Variants in KIRREL3 observed in about 807,000 individuals in gnomAD.
KIRREL3 encodes the protein kirre like nephrin family adhesion molecule 3, also known as kin of IRRE-like protein 3.
Under a neutral mutation model 89.7 loss-of-function variants are expected in KIRREL3, and 36 were observed. That is an observed-to-expected ratio of 0.40 (90% CI 0.31 to 0.53). KIRREL3 has a LOEUF of 0.53. Among genes scored for constraint, KIRREL3 ranks in the 20% least tolerant of loss-of-function variants. KIRREL3 has a pLI of 0.49. For missense variants in KIRREL3, 864 were observed against 1,056.6 expected (o/e 0.82, Z 2.53); for synonymous variants, 445 against 441.4 (o/e 1.01, Z -0.10).
rs566454304 is a variant in KIRREL3, at chr11:126,924,197, G to A, written c.55+76258C>T. The stretch of plus-strand genomic sequence containing the variant: ...CCTGGGTTCCTTCCCCCTTTCCCTG[G>A]CTCAGGCCACCATCACCTTTGACCT... On this transcript the variant is annotated intron_variant, in intron 1 of 16. Coordinates refer to ENST00000525144, the MANE Select transcript of KIRREL3 (RefSeq NM_032531.4). This position sits in a 1 kb window ranked among gnomAD's most constrained non-coding sequence, Gnocchi z 4.7. 6.6e-6 allele frequency among the ~76,000 whole-genome samples: 1 copy of A among 152,154 alleles called. No homozygotes were observed. Among genetic ancestry groups the A allele is most frequent in the East Asian group, 1.9e-4 (1 of 5,176 alleles).
At position 126,782,124 on chromosome 11, in the gene KIRREL3, G is replaced by C. The variant is rs960666066; in HGVS notation, c.55+218331C>G. 2.6e-5 allele frequency among the ~76,000 whole-genome samples: 4 copies of C among 152,148 alleles called. No homozygotes were observed. Among genetic ancestry groups the C allele is most frequent in the Non-Finnish European group, 5.9e-5 (4 of 68,024 alleles). On this transcript the variant is annotated intron_variant, in intron 1 of 16. Transcript: ENST00000525144. The surrounding 1 kb of genome is among the most constrained non-coding windows in gnomAD (Gnocchi z 4.1). ...TTCACAGGAAGACAGGCATTGCTCA[G>C]CCTTCCTAGGAATTAGGTTCAGGCC... is the stretch of plus-strand genomic sequence containing the variant.
chr11:126,495,469 G>A lies in KIRREL3; in HGVS notation c.434-22003C>T, dbSNP rs535069885. Among the ~76,000 whole-genome samples, 60 of 152,176 alleles carry A rather than the reference G, an allele frequency of 3.9e-4. No individual in the cohort carries two copies. The highest frequency in any genetic ancestry group is 1.4e-3 in the African/African-American group (59 of 41,532). On this transcript the variant is annotated intron_variant, in intron 4 of 16. Coordinates refer to ENST00000525144, the MANE Select transcript of KIRREL3 (RefSeq NM_032531.4). This position sits in a 1 kb window ranked among gnomAD's most constrained non-coding sequence, Gnocchi z 6.5. ...TCGACTGTCTGTGTTCCTCGTCTCC[G>A]CTCATCCTTGCTGGCCGGGTTTCTG...
At position 126,788,962 on chromosome 11, in the gene KIRREL3, C is replaced by T. The variant is rs1368390570; in HGVS notation, c.55+211493G>A. Among the ~76,000 whole-genome samples, 1 of 152,138 alleles carries T rather than the reference C, an allele frequency of 6.6e-6. No homozygotes were observed. Among genetic ancestry groups the T allele is most frequent in the Non-Finnish European group, 1.5e-5 (1 of 68,022 alleles). On this transcript the variant is annotated intron_variant, in intron 1 of 16. Coordinates refer to ENST00000525144, the MANE Select transcript of KIRREL3 (RefSeq NM_032531.4). This position sits in a 1 kb window ranked among gnomAD's most constrained non-coding sequence, Gnocchi z 4.1. ...AGGCTGGGCACCTAGTCAAACAAAT[C>T]CCTGTCAAGATTTCTTTGACCCAAC...
At position 126,981,078 on chromosome 11, in the gene KIRREL3, A is replaced by G; in HGVS notation, c.55+19377T>C. Among the ~76,000 whole-genome samples, 1 of 152,208 alleles carries G rather than the reference A, an allele frequency of 6.6e-6. No homozygotes were observed. On this transcript the variant is annotated intron_variant, in intron 1 of 16. Coordinates refer to ENST00000525144, the MANE Select transcript of KIRREL3 (RefSeq NM_032531.4). This position sits in a 1 kb window ranked among gnomAD's most constrained non-coding sequence, Gnocchi z 4.2. ...TATTCAATTTAAATTGCTACAAAGT[A>G]CTATTCTTACATGATTGGCCTGAAA...
At chr11:126,604,645 G>A (rs150334139) in intron 1 of KIRREL3, among the ~76,000 whole-genome samples, 13 of 152,170 alleles carry the variant, frequency 8.5e-5, no homozygotes, top group African/African-American at 3.1e-4. Context: ...CCACATGGGG[G>A]TGGGTGGGTG....
At chr11:126,512,568 C>A (rs949065369) in intron 4 of KIRREL3, among the ~76,000 whole-genome samples, 2 of 152,162 alleles carry the variant, frequency 1.3e-5, no homozygotes, top group Admixed American at 6.5e-5. Context: ...AGGCAGCTGC[C>A]CCCCGCATGT....
At position 126,912,967 on chromosome 11, in the gene KIRREL3, C is replaced by T. The variant is rs1946886039; in HGVS notation, c.55+87488G>A. Among the ~76,000 whole-genome samples, 1 of 152,188 alleles carries T rather than the reference C, an allele frequency of 6.6e-6. No homozygotes were observed. The highest frequency in any genetic ancestry group is 2.1e-4 in the South Asian group (1 of 4,828). On this transcript the variant is annotated intron_variant, in intron 1 of 16. Coordinates refer to ENST00000525144, the MANE Select transcript of KIRREL3 (RefSeq NM_032531.4). The surrounding 1 kb of genome is among the most constrained non-coding windows in gnomAD (Gnocchi z 4.7). ...TCTAAGTAGTCAAGAGAGGAAATGC[C>T]TTAAGGAACCACGAGATCCCTTGAA... is the stretch of plus-strand genomic sequence containing the variant.
At chr11:126,539,328 T>C (rs12283666) in intron 2 of KIRREL3, among the ~76,000 whole-genome samples, 1,918 of 152,292 alleles carry the variant, frequency 0.013, 39 homozygotes, top group African/African-American at 0.044. Flanking sequence ...AAAGTCCTGG[T>C]GGGTCAGACC....
rs1055517169 is a variant in KIRREL3, at chr11:126,872,614, T to A, written c.55+127841A>T. Among the ~76,000 whole-genome samples, 2 of 152,232 alleles carry A rather than the reference T, an allele frequency of 1.3e-5. No individual in the cohort carries two copies. The highest frequency in any genetic ancestry group is 2.9e-5 in the Non-Finnish European group (2 of 68,048). On this transcript the variant is annotated intron_variant, in intron 1 of 16. Transcript: ENST00000525144. The surrounding 1 kb of genome is among the most constrained non-coding windows in gnomAD (Gnocchi z 4.2). The stretch of plus-strand genomic sequence containing the variant: ...CAGCCCCTCTAAGGGACCTTAGGCC[T>A]TGTTATCTTTGAAAAAATGCTCCAG...
rs137894622 is a variant in KIRREL3, at chr11:126,576,714, A to G, written c.56-13802T>C. 3.9e-5 allele frequency among the ~76,000 whole-genome samples: 6 copies of G among 152,306 alleles called. No individual in the cohort carries two copies. The highest frequency in any genetic ancestry group is 1.4e-4 in the African/African-American group (6 of 41,566). ...TGGGTGCACGTGCATGTATGAGTTC[A>G]TTAATTTGCTTCCTTTCTTCTCAGG... On this transcript the variant is annotated intron_variant, in intron 1 of 16. Transcript: ENST00000525144. This position sits in a 1 kb window ranked among gnomAD's most constrained non-coding sequence, Gnocchi z 5.4.
chr11:126,947,103 A>G (rs1948640307), intron 1 of KIRREL3, among the ~76,000 whole-genome samples: 1 of 152,154 alleles, frequency 6.6e-6, no homozygotes, highest in African/African-American at 2.4e-5. Context: ...TTCTGAATCA[A>G]TAACTCCCTC....
rs1161973365 is a variant in KIRREL3 at position 126,780,053 on chromosome 11, G to C, written c.56-217141C>G. Among the ~76,000 whole-genome samples the C allele has an allele frequency of 6.6e-6, 1 of 152,098 alleles. No individual in the cohort carries two copies. Among genetic ancestry groups the C allele is most frequent in the Non-Finnish European group, 1.5e-5 (1 of 68,030 alleles). On this transcript the variant is annotated intron_variant, in intron 1 of 16. Transcript: ENST00000525144. The surrounding 1 kb of genome is among the most constrained non-coding windows in gnomAD (Gnocchi z 5.3). ...GCCCCACGCTGTATCTGGAAGGGAG[G>C]ACTGAACTTCAGAGGGAAAAGCAGG...
At position 126,953,817 on chromosome 11, in the gene KIRREL3, A is replaced by G. The variant is rs890748850; in HGVS notation, c.55+46638T>C. Reference sequence around the variant, plus strand: ...AGCTTTTCTGATATACTGTTTTTATATAAATTCTGCAGTGACTTTTCCCTG... The same window carrying G: ...AGCTTTTCTGATATACTGTTTTTATGTAAATTCTGCAGTGACTTTTCCCTG... On this transcript the variant is annotated intron_variant, in intron 1 of 16. Transcript: ENST00000525144. This position sits in a 1 kb window ranked among gnomAD's most constrained non-coding sequence, Gnocchi z 5.2. Among the ~76,000 whole-genome samples, 6 of 152,208 alleles carry G rather than the reference A, an allele frequency of 3.9e-5. No individual in the cohort carries two copies. Among genetic ancestry groups the G allele is most frequent in the African/African-American group, 9.6e-5 (4 of 41,462 alleles).
chr11:126,497,311 AGAGT>A (rs1328420033), intron 4 of KIRREL3, among the ~76,000 whole-genome samples: 1 of 152,042 alleles, frequency 6.6e-6, no homozygotes, highest in Non-Finnish European at 1.5e-5. Context: ...AGAGCGAGAG[AGAGT>A]AAGACAGAGA....
Position 126,892,536 on chromosome 11 carries a change from C to A in KIRREL3, c.55+107919G>T, listed in dbSNP as rs1374608606. On this transcript the variant is annotated intron_variant, in intron 1 of 16. Coordinates refer to ENST00000525144, the MANE Select transcript of KIRREL3 (RefSeq NM_032531.4). The surrounding 1 kb of genome is among the most constrained non-coding windows in gnomAD (Gnocchi z 5.4). ...AACCCTGAGAAAATGATTTTCTTTT[C>A]ACAGCCTTATTACAAATGCTGAGCA... Among the ~76,000 whole-genome samples, 1 of 152,176 alleles carries A rather than the reference C, an allele frequency of 6.6e-6. No homozygotes were observed. Among genetic ancestry groups the A allele is most frequent in the African/African-American group, 2.4e-5 (1 of 41,440 alleles).
At chr11:126,604,527 G>A (rs1272661575) in intron 1 of KIRREL3, among the ~76,000 whole-genome samples, 3 of 152,202 alleles carry the variant, frequency 2.0e-5, no homozygotes, top group Non-Finnish European at 2.9e-5. Flanking sequence ...TGAGGACCAG[G>A]CCGTTCGCAG....
intron 1 of KIRREL3, among the ~76,000 whole-genome samples, chr11:126,602,993 A>G (rs1370965911): frequency 2.0e-5 from 3 of 152,104 alleles, no homozygotes; most frequent in Non-Finnish European, 4.4e-5. Flanking sequence ...ATAGAGACCA[A>G]TAGGAGACGC....
chr11:126,614,830 G>A lies in KIRREL3; in HGVS notation c.56-51918C>T, dbSNP rs1222986123. Among the ~76,000 whole-genome samples, 1 of 152,308 alleles carries A rather than the reference G, an allele frequency of 6.6e-6. No homozygotes were observed. Among genetic ancestry groups the A allele is most frequent in the Non-Finnish European group, 1.5e-5 (1 of 68,026 alleles). On this transcript the variant is annotated intron_variant, in intron 1 of 16. Coordinates refer to ENST00000525144, the MANE Select transcript of KIRREL3 (RefSeq NM_032531.4). The surrounding 1 kb of genome is among the most constrained non-coding windows in gnomAD (Gnocchi z 4.6). ...CTCTTAGTATCAGGTCTGGGTTGGG[G>A]CAGGTAAATCTTCCTTTCTTTGTGG... is the stretch of plus-strand genomic sequence containing the variant.
Position 126,946,871 on chromosome 11 carries a change from G to A in KIRREL3, c.55+53584C>T, listed in dbSNP as rs1204743003. 6.6e-6 allele frequency among the ~76,000 whole-genome samples: 1 copy of A among 152,166 alleles called. No individual in the cohort carries two copies. Among genetic ancestry groups the A allele is most frequent in the Non-Finnish European group, 1.5e-5 (1 of 68,044 alleles). On this transcript the variant is annotated intron_variant, in intron 1 of 16. Transcript: ENST00000525144. This position sits in a 1 kb window ranked among gnomAD's most constrained non-coding sequence, Gnocchi z 4.1. ...AACCACTATTTATTGTGTAACTAGG[G>A]TGTGGTGGGCCTTGAACTAGGCATT...
Sources: allele counts gnomAD v4.1 joint callset (sites outside exome capture counted in the v4.1 genomes callset), GRCh38; gene constraint gnomAD v4.1.1; non-coding constraint Gnocchi (gnomAD v3.1); transcripts MANE v1.5; gene names NCBI Gene and HGNC (gene_info 2026-07-23, HGNC 2026-07-21).